The following SLC39A11 variants were observed in gnomAD, a reference collection of about 807,000 sequenced individuals.
The protein encoded by SLC39A11 is solute carrier family 39 member 11, also known as zinc transporter ZIP11.
A neutral mutation model predicts 36.1 loss-of-function variants in SLC39A11; 33 were observed. That is an observed-to-expected ratio of 0.91 (90% CI 0.69 to 1.22). The LOEUF (loss-of-function observed/expected upper bound fraction) is 1.22. SLC39A11 is among the 50% of genes most tolerant of loss of function. SLC39A11 has a pLI of 0.00. For synonymous variants in SLC39A11, 166 were observed against 170.3 expected, an observed-to-expected ratio of 0.97 and a Z score of 0.20; for missense variants, 432 against 430.3, an observed-to-expected ratio of 1.00 and a Z score of -0.03.
chr17:72,735,928 G>A (rs1273618770), intron 7 of SLC39A11, among the ~76,000 whole-genome samples: 1 of 152,212 alleles, frequency 6.6e-6, no homozygotes, highest in African/African-American at 2.4e-5. Context: ...GAGGGAAAAC[G>A]CGGCATTGAG....
intron 7 of SLC39A11, among the ~76,000 whole-genome samples, chr17:72,662,545 GAA>G (rs2070491851): frequency 1.8e-5 from 1 of 56,064 alleles, no homozygotes; most frequent in African/African-American, 1.1e-4. Context: ...GAGAAAGAAA[GAA>G]AAGAAAAAAG....
chr17:72,792,072 A>G (rs2076724805), intron 6 of SLC39A11, among the ~76,000 whole-genome samples: 4 of 152,196 alleles, frequency 2.6e-5, no homozygotes, highest in South Asian at 4.1e-4. Flanking sequence ...GACCCCCTTT[A>G]GTCACTGCAG....
At chr17:72,664,809 C>A (rs1240577690) in intron 7 of SLC39A11, among the ~76,000 whole-genome samples, 1 of 152,178 alleles carries the variant, frequency 6.6e-6, no homozygotes, top group Non-Finnish European at 1.5e-5. Context: ...TCTCTCCATT[C>A]TCTCTTCTCT....
At position 73,016,223 on chromosome 17, in the gene SLC39A11, T is replaced by C. The variant is rs373049107; in HGVS notation, c.306+15333A>G. Among the ~76,000 whole-genome samples the C allele has an allele frequency of 3.3e-4, 50 of 151,816 alleles. 1 individual carries two copies. Among genetic ancestry groups the C allele is most frequent in the African/African-American group, 1.2e-3 (50 of 41,354 alleles). ...CTATATCATGTTTCTTAAAGGGAGGTCCATGGATTACCTACATCAGAATCT... is the reference window on the plus strand; with the variant it reads ...CTATATCATGTTTCTTAAAGGGAGGCCCATGGATTACCTACATCAGAATCT... On this transcript the variant is annotated intron_variant, in intron 4 of 9. Transcript: ENST00000255559.
chr17:72,693,529 C>T (rs7211166), intron 7 of SLC39A11, among the ~76,000 whole-genome samples: 1,609 of 152,302 alleles, frequency 0.011, 34 homozygotes, highest in African/African-American at 0.035. Context: ...CTGTCCATTC[C>T]TTGGGCGGTC....
intron 7 of SLC39A11, among the ~76,000 whole-genome samples, chr17:72,732,044 T>TCTTTTTTTTTTC: frequency 1.2e-5 from 1 of 84,414 alleles, no homozygotes; most frequent in African/African-American, 4.3e-5. Flanking sequence ...TCTTTTCTTT[T>TCTTTTTTTTTTC]TTTTTTTTTT....
At chr17:72,716,912 T>C (rs1235066613) in intron 7 of SLC39A11, among the ~76,000 whole-genome samples, 1 of 146,022 alleles carries the variant, frequency 6.8e-6, no homozygotes, top group African/African-American at 2.6e-5. Context: ...GAGGTTACAG[T>C]GAGCCAAGAC....
At chr17:73,023,832 G>C (rs1253203757) in intron 4 of SLC39A11, among the ~76,000 whole-genome samples, 3 of 152,142 alleles carry the variant, frequency 2.0e-5, no homozygotes, top group African/African-American at 7.2e-5. Context: ...AATGTGGCTG[G>C]TGTCTTCATG....
chr17:72,749,216 G>C (rs1379893532), intron 6 of SLC39A11, among the ~76,000 whole-genome samples: 1 of 152,148 alleles, frequency 6.6e-6, no homozygotes, highest in Non-Finnish European at 1.5e-5. Context: ...CCTTTGAGTG[G>C]GGAGGGCTGC....
chr17:73,047,755 G>A (rs1258881899), intron 3 of SLC39A11, among the ~76,000 whole-genome samples: 1 of 151,482 alleles, frequency 6.6e-6, no homozygotes, highest in African/African-American at 2.4e-5. Context: ...ATCACTTGAG[G>A]TCAGGAGTTT....
At chr17:72,952,468 T>C (rs927828403) in intron 4 of SLC39A11, among the ~76,000 whole-genome samples, 1 of 151,982 alleles carries the variant, frequency 6.6e-6, no homozygotes, top group Non-Finnish European at 1.5e-5. Flanking sequence ...GCCCCGCATA[T>C]CCCCCACCCC....
chr17:72,700,514 AG>A (rs1377831546), intron 7 of SLC39A11, among the ~76,000 whole-genome samples: 5 of 152,244 alleles, frequency 3.3e-5, no homozygotes, highest in African/African-American at 1.2e-4. Context: ...CTGCCAGGGA[AG>A]GGACACAGGA....
At chr17:72,762,635 G>C (rs540641896) in intron 6 of SLC39A11, among the ~76,000 whole-genome samples, 59 of 152,148 alleles carry the variant, frequency 3.9e-4, no homozygotes, top group Non-Finnish European at 5.9e-4. Flanking sequence ...ACTTGACTCT[G>C]TGACTCGCCC....
intron 6 of SLC39A11, among the ~76,000 whole-genome samples, chr17:72,751,378 A>G (rs1320962246): frequency 6.6e-6 from 1 of 152,164 alleles, no homozygotes; most frequent in African/African-American, 2.4e-5. Flanking sequence ...AGTTCTAAGA[A>G]TCGTGGCCCC....
intron 7 of SLC39A11, among the ~76,000 whole-genome samples, chr17:72,698,484 G>C (rs978802554): frequency 6.8e-6 from 1 of 146,252 alleles, no homozygotes; most frequent in African/African-American, 2.5e-5. Context: ...AAAAAAGGCA[G>C]TTGGGTCTGA....
intron 5 of SLC39A11, among the ~76,000 whole-genome samples, chr17:72,882,324 C>T (rs2081233816): frequency 6.7e-6 from 1 of 149,444 alleles, no homozygotes; most frequent in Non-Finnish European, 1.5e-5. Context: ...CCACTGTACT[C>T]CAGCCTAGAT....
intron 5 of SLC39A11, among the ~76,000 whole-genome samples, chr17:72,853,019 A>ATTTG (rs1325264235): frequency 2.6e-5 from 4 of 151,932 alleles, no homozygotes; most frequent in African/African-American, 9.7e-5. Context: ...TGATTGATTG[A>ATTTG]TTGATTGATT....
chr17:72,909,600 G>T (rs1258424668), intron 5 of SLC39A11, among the ~76,000 whole-genome samples: 1 of 152,196 alleles, frequency 6.6e-6, no homozygotes, highest in Non-Finnish European at 1.5e-5. Context: ...TAGGGAAGAG[G>T]ATCCTCAGCT....
intron 5 of SLC39A11, among the ~76,000 whole-genome samples, chr17:72,901,849 A>T (rs1022445403): frequency 2.6e-5 from 4 of 152,160 alleles, no homozygotes; most frequent in African/African-American, 9.7e-5. Context: ...TGCTGCATGC[A>T]TGGGGCCCTG....
Sources: allele counts gnomAD v4.1 joint callset (sites outside exome capture counted in the v4.1 genomes callset), GRCh38; gene constraint gnomAD v4.1.1; transcripts MANE v1.5; gene names NCBI Gene and HGNC (gene_info 2026-07-23, HGNC 2026-07-21).